PLA2G4A: variants seen among roughly 807,000 people sequenced by gnomAD.
The protein encoded by PLA2G4A is cytosolic phospholipase A2.
Under a neutral mutation model 81.9 loss-of-function variants are expected in PLA2G4A, and 40 were observed. The observed-to-expected ratio is 0.49, with a 90% CI of 0.38 to 0.64. The LOEUF is 0.64. PLA2G4A is among the 30% of genes least tolerant of loss of function. PLA2G4A has a pLI of 0.00. For missense variants in PLA2G4A, 715 were observed against 905.1 expected (o/e 0.79, Z 2.69); for synonymous variants, 302 against 296.9 (o/e 1.02, Z -0.18).
intron 2 of PLA2G4A, among the ~76,000 whole-genome samples, chr1:186,856,879 T>C (rs1359474970): frequency 1.3e-5 from 2 of 150,500 alleles, no homozygotes; most frequent in Non-Finnish European, 2.9e-5. Context: ...AATAAGCATA[T>C]GTGAAGTAGT....
At chr1:186,882,033 C>T (rs1174112906) in intron 3 of PLA2G4A, among the ~76,000 whole-genome samples, 3 of 152,108 alleles carry the variant, frequency 2.0e-5, no homozygotes, top group Admixed American at 6.6e-5. Context: ...AGCAAGAACT[C>T]TGGTTTCAGA....
intron 1 of PLA2G4A, among the ~76,000 whole-genome samples, chr1:186,840,968 C>A (rs1034590792): frequency 6.6e-6 from 1 of 152,238 alleles, no homozygotes; most frequent in Non-Finnish European, 1.5e-5. Context: ...TCAAAACACA[C>A]TTCTTTTCCT....
chr1:186,883,333 A>G (rs1025853300), intron 3 of PLA2G4A, among the ~76,000 whole-genome samples: 3 of 152,116 alleles, frequency 2.0e-5, no homozygotes, highest in Non-Finnish European at 2.9e-5. Flanking sequence ...TGTCATGTTT[A>G]TACTTCTTCC....
At chr1:186,876,496 T>C (rs112166804) in intron 3 of PLA2G4A, among the ~76,000 whole-genome samples, 2,951 of 152,228 alleles carry the variant, frequency 0.019, 47 homozygotes, top group Non-Finnish European at 0.029. Flanking sequence ...TCTCCCTCAC[T>C]CCAAGGTCCT....
At chr1:186,873,542 G>A (rs1653362036) in intron 3 of PLA2G4A, among the ~76,000 whole-genome samples, 1 of 151,986 alleles carries the variant, frequency 6.6e-6, no homozygotes, top group African/African-American at 2.4e-5. Context: ...GTGTGTCTGA[G>A]TGCTTTCTCA....
In PLA2G4A at chr1:186,979,426, A is replaced by G. The variant is rs1395288093; in HGVS notation, c.2072A>G (p.Lys691Arg). The G allele has an allele frequency of 2.5e-6, 4 of 1,601,988 alleles. No individual in the cohort carries two copies. The highest frequency in any genetic ancestry group is 3.4e-6 in the Non-Finnish European group (4 of 1,168,864). ...TTTCAATATCCAAATCAAGCATTCA[A>G]AAGACTACATGATCTTATGCACTTC... ...FNFQYPNQAF[K>R]RLHDLMHFNT... The change falls in exon 17 of 18, where the codon AAA (lysine) becomes AGA (arginine). Residue 691 changes from lysine to arginine, a missense_variant. Coordinates refer to ENST00000367466, the MANE Select transcript of PLA2G4A (RefSeq NM_024420.3).
chr1:186,895,935 T>G (rs1327616329), intron 5 of PLA2G4A, among the ~76,000 whole-genome samples: 1 of 152,044 alleles, frequency 6.6e-6, no homozygotes, highest in African/African-American at 2.4e-5. Flanking sequence ...TCTAAGGGAA[T>G]CATTATGATT....
At chr1:186,829,699 G>C (rs1158654341) in intron 1 of PLA2G4A, among the ~76,000 whole-genome samples, 2 of 152,002 alleles carry the variant, frequency 1.3e-5, no homozygotes, top group Non-Finnish European at 2.9e-5. Context: ...AATTTTGAGT[G>C]TGGATATTTC....
chr1:186,859,264 G>A (rs780690786), intron 2 of PLA2G4A, among the ~76,000 whole-genome samples: 37 of 152,074 alleles, frequency 2.4e-4, no homozygotes, highest in Non-Finnish European at 4.4e-4. Context: ...TAAGAAGCTG[G>A]TAGGAAAACA....
intron 2 of PLA2G4A, among the ~76,000 whole-genome samples, chr1:186,868,062 T>A (rs1455192407): frequency 2.8e-5 from 4 of 143,568 alleles, no homozygotes; most frequent in African/African-American, 1.0e-4. Flanking sequence ...TTGGTCACGG[T>A]GTATAATTCT....
At chr1:186,851,969 TGAG>T (rs1652388890) in intron 1 of PLA2G4A, among the ~76,000 whole-genome samples, 3 of 151,956 alleles carry the variant, frequency 2.0e-5, no homozygotes, top group African/African-American at 7.2e-5. Context: ...GGATGAGGGA[TGAG>T]GGTAATACAA....
At chr1:186,879,463 G>A (rs1653645821) in intron 3 of PLA2G4A, among the ~76,000 whole-genome samples, 1 of 151,944 alleles carries the variant, frequency 6.6e-6, no homozygotes, top group South Asian at 2.1e-4. Context: ...TATGGAGTGT[G>A]TAATTTATAA....
At chr1:186,898,955 T>G (rs879177449) in intron 5 of PLA2G4A, among the ~76,000 whole-genome samples, 3 of 152,188 alleles carry the variant, frequency 2.0e-5, no homozygotes, top group African/African-American at 7.2e-5. Context: ...CACTATGTGG[T>G]AGACACTCTT....
intron 17 of PLA2G4A, among the ~76,000 whole-genome samples, chr1:186,983,122 CA>C (rs1325770559): frequency 6.7e-6 from 1 of 149,774 alleles, no homozygotes; most frequent in Non-Finnish European, 1.5e-5. Context: ...AAAGAAAACA[CA>C]TTTTTATCAG....
At chr1:186,904,941 G>A (rs1314978030) in intron 5 of PLA2G4A, among the ~76,000 whole-genome samples, 5 of 151,934 alleles carry the variant, frequency 3.3e-5, no homozygotes, top group Non-Finnish European at 5.9e-5. Flanking sequence ...TGCAACCTCC[G>A]CCTGCTGGGT....
chr1:186,981,473 T>C (rs1657715404), intron 17 of PLA2G4A, among the ~76,000 whole-genome samples: 1 of 152,210 alleles, frequency 6.6e-6, no homozygotes, highest in Non-Finnish European at 1.5e-5. Flanking sequence ...AGAACAACTG[T>C]CCCGACCTAT....
At chr1:186,857,347 T>A (rs1164324690) in intron 2 of PLA2G4A, among the ~76,000 whole-genome samples, 2 of 123,410 alleles carry the variant, frequency 1.6e-5, no homozygotes, top group Non-Finnish European at 3.2e-5. Flanking sequence ...ATTATATATA[T>A]TATAAATATA....
chr1:186,859,122 G>T (rs1032803007), intron 2 of PLA2G4A, among the ~76,000 whole-genome samples: 3 of 152,086 alleles, frequency 2.0e-5, no homozygotes, highest in East Asian at 1.9e-4. Flanking sequence ...CACAGCTTTG[G>T]TTGCCTCAAG....
chr1:186,871,931 A>G (rs957153987), intron 3 of PLA2G4A, among the ~76,000 whole-genome samples: 4 of 152,024 alleles, frequency 2.6e-5, no homozygotes, highest in African/African-American at 9.7e-5. Context: ...GTAAAGAGGG[A>G]GGAGTTAGAT....
Sources: gnomAD v4.1 joint callset for allele counts (sites outside exome capture counted in the v4.1 genomes callset) on GRCh38, gnomAD v4.1.1 for gene constraint, MANE v1.5 for transcripts, NCBI Gene and HGNC (gene_info 2026-07-23, HGNC 2026-07-21) for gene names.